OPLAH: variants seen among roughly 807,000 people sequenced by gnomAD.
OPLAH encodes the protein 5-oxoprolinase, ATP-hydrolysing.
Under a neutral mutation model 122.8 loss-of-function variants are expected in OPLAH, and 103 were observed. That is an observed-to-expected ratio of 0.84 (90% confidence interval 0.71 to 0.99). The LOEUF (loss-of-function observed/expected upper bound fraction) is 0.99, where lower values mean the gene tolerates loss of function less well. Ranked by LOEUF, OPLAH falls within the 50% of genes least tolerant of loss-of-function variation. The pLI is 0.00. For synonymous variants in OPLAH, 875 were observed against 796.0 expected, an observed-to-expected ratio of 1.10 and a Z score of -1.67; for missense variants, 1,902 against 1,836.5, an observed-to-expected ratio of 1.04 and a Z score of -0.65.
intron 1 of OPLAH, among the ~76,000 whole-genome samples, chr8:144,060,435 C>A (rs879982209): frequency 8.5e-5 from 13 of 152,190 alleles, no homozygotes; most frequent in Admixed American, 2.6e-4. Flanking sequence ...GGGTTTGGGG[C>A]GAGCTGGCCG....
chr8:144,054,418 T>G, intron 19 of OPLAH, 143 bp downstream of exon 19: 1 of 893,632 alleles, frequency 1.1e-6, no homozygotes, highest in African/African-American at 1.7e-5. Context: ...CAGCTGCCCT[T>G]TGGGGTAACC....
chr8:144,058,174 T>TC, intron 7 of OPLAH, 26 bp from the exon 8 acceptor site: 2 of 1,610,456 alleles, frequency 1.2e-6, no homozygotes, highest in Non-Finnish European at 1.7e-6. Flanking sequence ...TGCTGGTGGG[T>TC]CACTTGAAGA....
upstream of OPLAH, among the ~76,000 whole-genome samples, chr8:144,062,565 G>A (rs1234837077): frequency 6.6e-6 from 1 of 152,030 alleles, no homozygotes; most frequent in Non-Finnish European, 1.5e-5. Flanking sequence ...ACTCCTGCGG[G>A]ACTGCCCTGC....
At chr8:144,060,966 T>C (rs567848437), upstream of OPLAH, among the ~76,000 whole-genome samples, 1 of 152,198 alleles carries the variant, frequency 6.6e-6, no homozygotes, top group Non-Finnish European at 1.5e-5. Flanking sequence ...CAAGGGGAGC[T>C]GGCAGCCCAG....
At chr8:144,054,175 G>A (rs1554758373) in intron 19 of OPLAH, among the ~76,000 whole-genome samples, 1 of 151,724 alleles carries the variant, frequency 6.6e-6, no homozygotes, top group East Asian at 1.9e-4. Context: ...TCAGACCTAG[G>A]CCCAGAAAAC....
chr8:144,050,378 A>G, downstream of OPLAH: 1 of 978,816 alleles, frequency 1.0e-6, no homozygotes, highest in Non-Finnish European at 1.2e-6. Flanking sequence ...GAGAAGTTTG[A>G]GGCCGACAGA....
At chr8:144,062,536 C>T (rs1835680181), upstream of OPLAH, among the ~76,000 whole-genome samples, 2 of 152,112 alleles carry the variant, frequency 1.3e-5, no homozygotes, top group South Asian at 4.1e-4. Flanking sequence ...GCCATACAGC[C>T]TCTGCCTGGC....
rs782568024 is a variant in OPLAH at position 144,051,482 on chromosome 8, C to CGGGGGGGGGG, written c.3721-11_3721-10insCCCCCCCCCC. 30 of 279,446 alleles carry CGGGGGGGGGG rather than the reference C, an allele frequency of 1.1e-4. No individual in the cohort carries two copies. Among genetic ancestry groups the CGGGGGGGGGG allele is most frequent in the African/African-American group, 1.9e-4 (2 of 10,560 alleles). 17.3% of individuals were successfully genotyped at this position (279,446 alleles called of 1,614,324 possible). A position where few individuals can be genotyped will look rare whatever the true frequency, so the allele number is the denominator to read the frequency against. ...GGAGACAGAACACATCCTGTTGGCGCGGGGGGGGGCGGGGAGGCGGGCTCA... is the reference window on the plus strand; with the variant it reads ...GGAGACAGAACACATCCTGTTGGCGCGGGGGGGGGGGGGGGGGGGCGGGGAGGCGGGCTCA... On this transcript the variant is annotated splice_polypyrimidine_tract_variant and intron_variant, in intron 26 of 26. Transcript: ENST00000618853.
rs1835478347 is a variant in OPLAH, at chr8:144,055,073, T to C, written c.2365A>G (p.Ile789Val). The change falls in exon 17 of 27, where the codon ATC becomes GTC. Residue 789 changes from isoleucine to valine, a missense_variant. Ile to Val is a conservative substitution (Grantham distance 29). Around this residue, in one of 3 missense-constraint regions of OPLAH, gnomAD observed 1,726 missense variants for 1,642.1 expected, o/e 1.05. Transcript: ENST00000618853. The surrounding 1 kb of genome is among the most constrained non-coding windows in gnomAD (Gnocchi z 6.5). The stretch of plus-strand genomic sequence containing the variant: ...TGCATGGCACCCAGGTGCACAGGGA[T>C]GTGGGGGGCATTGGACACCAGCCCC... The part of the protein sequence containing the change: ...DGGLVSNAPH[I>V]PVHLGAMQET... 6.4e-7 allele frequency: 1 copy of C among 1,555,758 alleles called. No individual in the cohort carries two copies. Among genetic ancestry groups the C allele is most frequent in the South Asian group, 1.2e-5 (1 of 81,448 alleles).
upstream of OPLAH, chr8:144,063,952 G>A (rs1157288894): frequency 5.9e-5 from 9 of 152,354 alleles, no homozygotes; most frequent in South Asian, 4.2e-4. The surrounding 1 kb of genome is among the most constrained non-coding windows in gnomAD (Gnocchi z 4.2). Context: ...AGCCAGCGGC[G>A]GCAGCTGGCG....
Position 144,059,844 on chromosome 8 carries a change from C to G in OPLAH, c.171+18G>C, listed in dbSNP as rs782186139. 6.2e-7 allele frequency: 1 copy of G among 1,612,176 alleles called. No homozygotes were observed. The highest frequency in any genetic ancestry group is 8.5e-7 in the Non-Finnish European group (1 of 1,179,622). On this transcript the variant is annotated intron_variant, in intron 2 of 26. Transcript: ENST00000618853. ...TCTGGCCGTGGGGTCCCTGTCCACCCGCTCCGCCCTGGCCCACCTGCTCCA... is the reference window on the plus strand; with the variant it reads ...TCTGGCCGTGGGGTCCCTGTCCACCGGCTCCGCCCTGGCCCACCTGCTCCA...
chr8:144,057,860 G>A lies in OPLAH; in HGVS notation c.1152C>T (p.Arg384=). ...AGAHPGPACY[R]KGGPVTVTDA... is the part of the protein sequence containing the mutation. ...CGGCCAGATCCTGACTCTTACCTTT[G>A]CGGTAGCAGGCGGGTCCTGGGTGGG... The change falls in exon 9 of 27, where the codon CGC becomes CGT. Residue 384 remains arginine (R), a synonymous_variant. Transcript: ENST00000618853. 3 of 1,611,366 alleles carry A rather than the reference G, an allele frequency of 1.9e-6. No homozygotes were observed. Among genetic ancestry groups the A allele is most frequent in the Non-Finnish European group, 1.7e-6 (2 of 1,179,326 alleles).
At chr8:144,061,114 T>G (rs888160043), upstream of OPLAH, among the ~76,000 whole-genome samples, 1 of 152,242 alleles carries the variant, frequency 6.6e-6, no homozygotes. Context: ...GTGCGGTATC[T>G]CTGGCCTTCT....
At chr8:144,053,975 A>AC (rs1383252634) in intron 19 of OPLAH, among the ~76,000 whole-genome samples, 1 of 27,236 alleles carries the variant, frequency 3.7e-5, no homozygotes, top group African/African-American at 1.5e-4. Flanking sequence ...ACTGTCCCCC[A>AC]CCCCCCGCCC....
downstream of OPLAH, chr8:144,050,989 C>T: frequency 1.8e-6 from 2 of 1,088,284 alleles, no homozygotes; most frequent in Non-Finnish European, 2.2e-6. Flanking sequence ...GCCGGCCTTC[C>T]CGGCAGAAGC....
At chr8:144,063,256 C>T (rs1554761195), upstream of OPLAH, among the ~76,000 whole-genome samples, 1 of 152,196 alleles carries the variant, frequency 6.6e-6, no homozygotes, top group Non-Finnish European at 1.5e-5. The surrounding 1 kb of genome is among the most constrained non-coding windows in gnomAD (Gnocchi z 4.2). Context: ...TGCCCCAGCC[C>T]CATTCTCATC....
chr8:144,061,001 G>A (rs1008668147), upstream of OPLAH, among the ~76,000 whole-genome samples: 1 of 152,226 alleles, frequency 6.6e-6, no homozygotes, highest in South Asian at 2.1e-4. Context: ...TCCCACTGGC[G>A]GACGTCCTTC....
In OPLAH at chr8:144,052,600, T is replaced by G; in HGVS notation, c.3154-2A>C. 3 of 1,591,422 alleles carry G rather than the reference T, an allele frequency of 1.9e-6. No individual in the cohort carries two copies. Among genetic ancestry groups the G allele is most frequent in the Non-Finnish European group, 2.6e-6 (3 of 1,174,306 alleles). ...CACGCGCACTGGCGCCAGGCAGCCC[T>G]GTGCGGGGCGGGCGGCTCTCAGGAG... On this transcript the variant is annotated splice_acceptor_variant, in intron 22 of 26. Coordinates refer to ENST00000618853, the MANE Select transcript of OPLAH (RefSeq NM_017570.5). LOFTEE classifies it high-confidence loss of function.
Position 144,056,648 on chromosome 8 carries a change from G to A in OPLAH, c.1814C>T (p.Ala605Val), listed in dbSNP as rs782567618. 18 of 1,612,206 alleles carry A rather than the reference G, an allele frequency of 1.1e-5. No homozygotes were observed. The East Asian group carries it at 2.2e-4, about 20-fold the overall frequency. ...QHPATARSPR[A>V]GDFGAAFVER... ...CACAAAGGCTGCCCCGAAGTCCCCC[G>A]CACGGGGCGAGCGGGCTGTGGCTGG... The change falls in exon 13 of 27, where the codon GCG becomes GTG. Residue 605 changes from alanine (A) to valine (V), a missense_variant. By Grantham distance (64) the Ala-to-Val change is moderately conservative. Transcript: ENST00000618853.
Sources: allele counts gnomAD v4.1 joint callset (sites outside exome capture counted in the v4.1 genomes callset), GRCh38; gene constraint gnomAD v4.1.1; regional missense constraint gnomAD v4.1.1; non-coding constraint Gnocchi (gnomAD v3.1); transcripts MANE v1.5; gene names NCBI Gene and HGNC (gene_info 2026-07-23, HGNC 2026-07-21).